The following CELF2 variants were observed in gnomAD, a reference collection of about 807,000 sequenced individuals.
CELF2 encodes CUG triplet repeat RNA-binding protein 2.
In CELF2, 8 loss-of-function variants were observed where a neutral mutation model predicts 62.6. That is an observed-to-expected ratio of 0.13 (90% CI 0.07 to 0.23). CELF2 has a LOEUF of 0.23. Among genes scored for constraint, CELF2 ranks in the 10% least tolerant of loss-of-function variants. The pLI is 1.00. For synonymous variants in CELF2, 258 were observed against 250.0 expected, an observed-to-expected ratio of 1.03 and a Z score of -0.30; for missense variants, 333 against 671.0, an observed-to-expected ratio of 0.50 and a Z score of 5.56.
intron 1 of CELF2, among the ~76,000 whole-genome samples, chr10:10,842,647 G>T (rs1435242033): frequency 6.6e-6 from 1 of 151,806 alleles, no homozygotes; most frequent in Non-Finnish European, 1.5e-5. Flanking sequence ...AATCCTACTT[G>T]GTCATAGTGT....
the CELF2 span, among the ~76,000 whole-genome samples, chr10:10,693,384 T>C: frequency 2.8e-5 from 4 of 143,658 alleles, no homozygotes; most frequent in African/African-American, 7.8e-5. Flanking sequence ...TGGATAAGCT[T>C]TTTGATGTGC....
chr10:11,210,997 A>G (rs907360400), intron 2 of CELF2, among the ~76,000 whole-genome samples: 2 of 152,258 alleles, frequency 1.3e-5, no homozygotes, highest in African/African-American at 4.8e-5. Flanking sequence ...AAACTGCGTC[A>G]GCCATGCTCA....
intron 1 of CELF2, among the ~76,000 whole-genome samples, chr10:10,853,500 G>A (rs892559967): frequency 1.3e-5 from 2 of 152,088 alleles, no homozygotes; most frequent in African/African-American, 4.8e-5. Context: ...AGCATCTCTG[G>A]AAGTCTAGGA....
At position 11,269,674 on chromosome 10, in the gene CELF2, A is replaced by C. The variant is rs1204262636; in HGVS notation, c.619-992A>C. ...AAGGAGGAGAAGAGGCTGGGGAAGG[A>C]GGGGGAGACTTCTGCTGAGTTACTT... On this transcript the variant is annotated intron_variant, in intron 6 of 12. Transcript: ENST00000633077. This position sits in a 1 kb window ranked among gnomAD's most constrained non-coding sequence, Gnocchi z 4.4. Among the ~76,000 whole-genome samples the C allele has an allele frequency of 6.8e-6, 1 of 147,178 alleles. No individual in the cohort carries two copies. The highest frequency in any genetic ancestry group is 1.5e-5 in the Non-Finnish European group (1 of 66,548).
intron 1 of CELF2, among the ~76,000 whole-genome samples, chr10:11,043,969 C>T (rs528805821): frequency 1.3e-5 from 2 of 152,354 alleles, no homozygotes; most frequent in East Asian, 1.9e-4. Flanking sequence ...CTTCGCTGTC[C>T]TGTGACGCTG....
the CELF2 span, among the ~76,000 whole-genome samples, chr10:10,511,417 CTAAA>C: frequency 5.3e-5 from 8 of 151,474 alleles, 1 homozygote; most frequent in Non-Finnish European, 7.4e-5. Context: ...CATCTCAAAA[CTAAA>C]TAAATAAATA....
At chr10:11,281,608 C>T (rs1173770993) in intron 8 of CELF2, among the ~76,000 whole-genome samples, 1 of 152,154 alleles carries the variant, frequency 6.6e-6, no homozygotes, top group African/African-American at 2.4e-5. Context: ...CAAAAGTTAG[C>T]TGGGTGTGGT....
chr10:10,961,670 C>T lies in CELF2; in HGVS notation c.89+41671C>T, dbSNP rs539564827. ...CTGAGACATGAAAATGGCTTGAGCC[C>T]AAGAGACGGGGCAGAGATTGCAGTG... On this transcript the variant is annotated intron_variant, in intron 2 of 13. Coordinates refer to the CELF2 transcript ENST00000636488. Among the ~76,000 whole-genome samples, 8 of 151,064 alleles carry T rather than the reference C, an allele frequency of 5.3e-5. No individual in the cohort carries two copies. In the East Asian group the frequency reaches 1.6e-3, roughly 30 times the overall value.
the CELF2 span, among the ~76,000 whole-genome samples, chr10:10,638,391 A>T: frequency 6.6e-6 from 1 of 152,116 alleles, no homozygotes; most frequent in Admixed American, 6.6e-5. Flanking sequence ...TCATTCACTC[A>T]TTCATGAACA....
At chr10:11,033,523 C>G (rs964513999) in intron 1 of CELF2, among the ~76,000 whole-genome samples, 1 of 152,222 alleles carries the variant, frequency 6.6e-6, no homozygotes, top group Non-Finnish European at 1.5e-5. Flanking sequence ...TTCCAAAGTG[C>G]TGGGATTACA....
chr10:11,191,974 AT>A lies in CELF2; in HGVS notation c.272-25447del, dbSNP rs1485731071. Among the ~76,000 whole-genome samples the A allele has an allele frequency of 6.6e-6, 1 of 152,102 alleles. No homozygotes were observed. Among genetic ancestry groups the A allele is most frequent in the African/African-American group, 2.4e-5 (1 of 41,400 alleles). ...GGAATTTTCCTGACAAGTCAGTGTCATTTTATGGGTTATTGCTGTTTTCCCA... is the reference window on the plus strand; with the variant it reads ...GGAATTTTCCTGACAAGTCAGTGTCATTTATGGGTTATTGCTGTTTTCCCA... On this transcript the variant is annotated intron_variant, in intron 2 of 12. Coordinates refer to ENST00000633077, the MANE Select transcript of CELF2 (RefSeq NM_001326342.2). The surrounding 1 kb of genome is among the most constrained non-coding windows in gnomAD (Gnocchi z 4.1).
At chr10:11,083,771 C>T in intron 1 of CELF2, among the ~76,000 whole-genome samples, 1 of 152,202 alleles carries the variant, frequency 6.6e-6, no homozygotes, top group East Asian at 1.9e-4. Context: ...CAGTGAACCT[C>T]TCCATACCCC....
chr10:10,579,370 A>T, the CELF2 span, among the ~76,000 whole-genome samples: 1 of 152,160 alleles, frequency 6.6e-6, no homozygotes, highest in Admixed American at 6.6e-5. Context: ...GCCTTTCTCC[A>T]GGGGATGGAG....
chr10:10,733,538 C>T, the CELF2 span, among the ~76,000 whole-genome samples: 96 of 152,102 alleles, frequency 6.3e-4, no homozygotes, highest in East Asian at 0.017. Flanking sequence ...TTTCACACTG[C>T]TGATAAAGAC....
chr10:11,187,900 C>T lies in CELF2; in HGVS notation c.271+22218C>T, dbSNP rs937396794. Among the ~76,000 whole-genome samples the T allele has an allele frequency of 3.9e-5, 6 of 152,222 alleles. No individual in the cohort carries two copies. In the East Asian group the frequency reaches 7.7e-4, roughly 20 times the overall value. On this transcript the variant is annotated intron_variant, in intron 2 of 12. Transcript: ENST00000633077. ...TATTTCCATCATAAGAAAACTATCT[C>T]GCCTGTTTATGCTCGTAGTTAATAC...
At position 11,296,196 on chromosome 10, in the gene CELF2, C is replaced by T. The variant is rs1440453755; in HGVS notation, c.976+7644C>T. Reference sequence around the variant, plus strand: ...CGCATTGTTCCTTGTTTTGAGTGGGCTTTTTAACATGTGCAGACATTGACT... The same window carrying T: ...CGCATTGTTCCTTGTTTTGAGTGGGTTTTTTAACATGTGCAGACATTGACT... On this transcript the variant is annotated intron_variant, in intron 9 of 12. Transcript: ENST00000633077. The surrounding 1 kb of genome is among the most constrained non-coding windows in gnomAD (Gnocchi z 5.0). 6.6e-6 allele frequency among the ~76,000 whole-genome samples: 1 copy of T among 152,086 alleles called. No individual in the cohort carries two copies. Among genetic ancestry groups the T allele is most frequent in the African/African-American group, 2.4e-5 (1 of 41,416 alleles).
chr10:10,722,646 C>A, the CELF2 span, among the ~76,000 whole-genome samples: 2 of 152,288 alleles, frequency 1.3e-5, no homozygotes, highest in East Asian at 1.9e-4. Context: ...TAGCTTATTG[C>A]TTAAAAAGCA....
At chr10:10,582,431 GA>G in the CELF2 span, among the ~76,000 whole-genome samples, 1 of 152,096 alleles carries the variant, frequency 6.6e-6, no homozygotes, top group African/African-American at 2.4e-5. Flanking sequence ...TTTTTTCATA[GA>G]AATATATAAG....
the CELF2 span, among the ~76,000 whole-genome samples, chr10:10,506,670 A>ATTTTTTTTTTTTTTTTT: frequency 5.9e-4 from 38 of 64,570 alleles, 7 homozygotes; most frequent in East Asian, 1.2e-3. Context: ...CCTCCTGTGA[A>ATTTTTTTTTTTTTTTTT]TTTTTTTTTT....
Sources: allele counts gnomAD v4.1 joint callset (sites outside exome capture counted in the v4.1 genomes callset), GRCh38; gene constraint gnomAD v4.1.1; non-coding constraint Gnocchi (gnomAD v3.1); transcripts MANE v1.5; gene names NCBI Gene and HGNC (gene_info 2026-07-23, HGNC 2026-07-21).